Variants in STAG1 observed in about 807,000 individuals in gnomAD.
The protein encoded by STAG1 is cohesin subunit SA-1.
STAG1 carries 26 observed loss-of-function variants against 170.9 expected under a neutral mutation model. That is an observed-to-expected ratio of 0.15 (90% CI 0.11 to 0.21). STAG1 has a LOEUF of 0.21. STAG1 is among the 10% of genes least tolerant of loss of function. The pLI is 1.00. For missense variants in STAG1, 964 were observed against 1,509.5 expected (o/e 0.64, Z 5.99); for synonymous variants, 514 against 497.7 (o/e 1.03, Z -0.44).
At chr3:136,377,196 G>A (rs528512089) in intron 23 of STAG1, among the ~76,000 whole-genome samples, 49 of 148,540 alleles carry the variant, frequency 3.3e-4, no homozygotes, top group Non-Finnish European at 4.3e-4. Flanking sequence ...TCAGGAGATC[G>A]AGACCATGGT....
At chr3:136,729,923 C>T (rs1933915960) in intron 1 of STAG1, among the ~76,000 whole-genome samples, 2 of 138,110 alleles carry the variant, frequency 1.4e-5, no homozygotes, top group Admixed American at 8.3e-5. Flanking sequence ...GAGTCTCGCT[C>T]TGTTGCCCGA....
intron 27 of STAG1, 89 bp from the exon 28 acceptor site, chr3:136,357,937 A>G: frequency 9.0e-7 from 1 of 1,115,780 alleles, no homozygotes; most frequent in Non-Finnish European, 1.3e-6. Context: ...TGAAGGTAGT[A>G]AAATTATCAC....
At chr3:136,447,093 C>T (rs372584511) in intron 14 of STAG1, among the ~76,000 whole-genome samples, 4 of 151,638 alleles carry the variant, frequency 2.6e-5, no homozygotes, top group East Asian at 3.9e-4. Context: ...CGTGAGCCAT[C>T]GTGCCTGGCA....
At chr3:136,568,366 A>C (rs1199060222) in intron 5 of STAG1, among the ~76,000 whole-genome samples, 1 of 152,224 alleles carries the variant, frequency 6.6e-6, no homozygotes, top group Non-Finnish European at 1.5e-5. Flanking sequence ...TTTAAACTTA[A>C]CTATAAAATG....
At chr3:136,734,114 A>C (rs555952593) in intron 1 of STAG1, among the ~76,000 whole-genome samples, 35 of 151,738 alleles carry the variant, frequency 2.3e-4, no homozygotes, top group Middle Eastern at 3.4e-3. Flanking sequence ...ATCTCAAAAA[A>C]AAAAAAAAAC....
chr3:136,415,696 C>T (rs1283612800), intron 21 of STAG1, among the ~76,000 whole-genome samples: 3 of 152,080 alleles, frequency 2.0e-5, no homozygotes, highest in Non-Finnish European at 4.4e-5. Context: ...ATTAGCCCAG[C>T]GTGGTGACGC....
intron 4 of STAG1, among the ~76,000 whole-genome samples, chr3:136,576,412 T>G (rs754253209): frequency 1.3e-5 from 2 of 152,186 alleles, no homozygotes; most frequent in Non-Finnish European, 2.9e-5. Context: ...CCTCGAGACC[T>G]GAGCCATAGA....
Position 136,340,476 on chromosome 3 carries a change from AG to A in STAG1, c.3672+14del, listed in dbSNP as rs1935924611. On this transcript the variant is annotated intron_variant, in intron 32 of 33. Coordinates refer to ENST00000383202, the MANE Select transcript of STAG1 (RefSeq NM_005862.3). ...ACATATTTTAACAAAAGAAAAATAT[AG>A]TGAATTTCTCTACCAGATCAATAAC... The A allele has an allele frequency of 1.3e-6, 2 of 1,525,076 alleles. No individual in the cohort carries two copies. Among genetic ancestry groups the A allele is most frequent in the African/African-American group, 1.4e-5 (1 of 73,330 alleles). 94.5% of individuals were successfully genotyped at this position (1,525,076 alleles called of 1,614,324 possible). A position where few individuals can be genotyped will look rare whatever the true frequency, so the allele number is the denominator to read the frequency against.
chr3:136,475,739 C>T (rs1349806220), intron 10 of STAG1, among the ~76,000 whole-genome samples: 1 of 152,160 alleles, frequency 6.6e-6, no homozygotes, highest in South Asian at 2.1e-4. Flanking sequence ...AACATTTCTA[C>T]ACTGGAGGGA....
At chr3:136,717,430 G>A (rs1288999229) in intron 1 of STAG1, among the ~76,000 whole-genome samples, 2 of 152,138 alleles carry the variant, frequency 1.3e-5, no homozygotes, top group African/African-American at 2.4e-5. Flanking sequence ...TTGGGAGGTC[G>A]AGGCAGGTGG....
intron 16 of STAG1, among the ~76,000 whole-genome samples, chr3:136,427,601 C>T (rs1236875909): frequency 1.3e-5 from 2 of 151,128 alleles, no homozygotes; most frequent in Non-Finnish European, 2.9e-5. Context: ...CTTGATATGT[C>T]TGCAGCTACA....
intron 1 of STAG1, among the ~76,000 whole-genome samples, chr3:136,695,031 C>A (rs949799253): frequency 2.0e-5 from 3 of 152,190 alleles, no homozygotes; most frequent in Admixed American, 1.3e-4. Flanking sequence ...CAAATTCCGA[C>A]TCTTAAATGC....
At chr3:136,488,951 T>G (rs2090070038) in intron 9 of STAG1, among the ~76,000 whole-genome samples, 1 of 152,196 alleles carries the variant, frequency 6.6e-6, no homozygotes, top group African/African-American at 2.4e-5. Flanking sequence ...CTGAGGCATT[T>G]GGGAGCATCC....
intron 1 of STAG1, chr3:136,736,684 G>C: frequency 1.2e-6 from 2 of 1,604,012 alleles, no homozygotes; most frequent in South Asian, 1.1e-5. Context: ...TCTCCCCTTT[G>C]TCGTTTCCTT....
chr3:136,595,044 C>A (rs1483667273), intron 4 of STAG1, among the ~76,000 whole-genome samples: 1 of 152,296 alleles, frequency 6.6e-6, no homozygotes, highest in Non-Finnish European at 1.5e-5. Flanking sequence ...ACTGGGCTTA[C>A]AGGACTGAGC....
intron 16 of STAG1, among the ~76,000 whole-genome samples, chr3:136,427,845 C>T (rs2088178477): frequency 6.6e-6 from 1 of 152,046 alleles, no homozygotes; most frequent in African/African-American, 2.4e-5. Flanking sequence ...CATATAATAA[C>T]AACTTAAAGC....
At chr3:136,418,492 GGAAA>G (rs757323590) in intron 20 of STAG1, among the ~76,000 whole-genome samples, 4 of 145,948 alleles carry the variant, frequency 2.7e-5, no homozygotes, top group Non-Finnish European at 4.5e-5. Flanking sequence ...GAAAGGAAAA[GGAAA>G]GAAAGAGATG....
intron 5 of STAG1, among the ~76,000 whole-genome samples, chr3:136,553,675 G>A (rs1291195741): frequency 6.6e-6 from 1 of 152,246 alleles, no homozygotes; most frequent in Admixed American, 6.5e-5. Flanking sequence ...TCAGGAGGCT[G>A]AGGCAGGGGA....
At chr3:136,523,894 C>G (rs1000468368) in intron 6 of STAG1, among the ~76,000 whole-genome samples, 16 of 152,066 alleles carry the variant, frequency 1.1e-4, no homozygotes, top group Non-Finnish European at 1.0e-4. Context: ...TGTCAAAGAT[C>G]AGATAGTTGT....
Sources: allele counts gnomAD v4.1 joint callset (sites outside exome capture counted in the v4.1 genomes callset), GRCh38; gene constraint gnomAD v4.1.1; transcripts MANE v1.5; gene names NCBI Gene and HGNC (gene_info 2026-07-23, HGNC 2026-07-21).